The following ADGRL2 variants were observed in gnomAD, a reference collection of about 807,000 sequenced individuals.
The protein encoded by ADGRL2 is adhesion G protein-coupled receptor L2.
Under a neutral mutation model 157.4 loss-of-function variants are expected in ADGRL2, and 44 were observed. The ratio of observed to expected loss-of-function variants is 0.28; its 90% CI spans 0.22 to 0.36. The LOEUF (loss-of-function observed/expected upper bound fraction) is 0.36. Among genes scored for constraint, ADGRL2 ranks in the 10% least tolerant of loss-of-function variants. The pLI is 1.00. For missense variants in ADGRL2, 1,510 were observed against 1,768.9 expected (o/e 0.85, Z 2.63); for synonymous variants, 585 against 624.7 (o/e 0.94, Z 0.95).
At chr1:81,693,290 C>T (rs567034319) in intron 3 of ADGRL2, among the ~76,000 whole-genome samples, 7 of 152,298 alleles carry the variant, frequency 4.6e-5, no homozygotes, top group Admixed American at 1.3e-4. Flanking sequence ...AGTCCTAGTG[C>T]TCCACTTAAA....
At chr1:81,786,670 A>G (rs1571218520) in intron 2 of ADGRL2, among the ~76,000 whole-genome samples, 1 of 152,244 alleles carries the variant, frequency 6.6e-6, no homozygotes. Flanking sequence ...TTTGAAAAGT[A>G]TAATCTTAAG....
chr1:81,573,763 G>C (rs2080742615), intron 2 of ADGRL2, among the ~76,000 whole-genome samples: 1 of 152,118 alleles, frequency 6.6e-6, no homozygotes, highest in African/African-American at 2.4e-5. Context: ...TTTGACTTGT[G>C]CAGTATTTGC....
At chr1:81,677,645 C>T (rs1329772123) in intron 3 of ADGRL2, among the ~76,000 whole-genome samples, 1 of 152,132 alleles carries the variant, frequency 6.6e-6, no homozygotes, top group East Asian at 1.9e-4. Flanking sequence ...TTCTTCTTTT[C>T]ATCTTCCTTT....
upstream of ADGRL2, among the ~76,000 whole-genome samples, chr1:81,697,638 T>C (rs2083472961): frequency 6.6e-6 from 1 of 152,200 alleles, no homozygotes; most frequent in East Asian, 1.9e-4. Context: ...AACCAAGACA[T>C]TGGATAGCAA....
chr1:81,388,044 G>A (rs1374086839), intron 1 of ADGRL2, among the ~76,000 whole-genome samples: 3 of 152,074 alleles, frequency 2.0e-5, no homozygotes, highest in Non-Finnish European at 2.9e-5. Context: ...AAACGTGTGA[G>A]GTGGTATTTT....
intron 2 of ADGRL2, among the ~76,000 whole-genome samples, chr1:81,530,970 G>T (rs2079583776): frequency 6.6e-6 from 1 of 151,786 alleles, no homozygotes. Context: ...TGTAGTCCTA[G>T]CTACTTGGGA....
Position 81,829,160 on chromosome 1 carries a change from C to T in ADGRL2, c.-100-7725C>T, listed in dbSNP as rs541408843. 5.9e-5 allele frequency among the ~76,000 whole-genome samples: 9 copies of T among 152,242 alleles called. No homozygotes were observed. In the South Asian group the frequency reaches 1.9e-3, roughly 32 times the overall value. On this transcript the variant is annotated intron_variant, in intron 1 of 23. Transcript: ENST00000686636. ...CTCCTGACCTCAGGCAATCCACCTGCCTTGGCCTCCCAAAGTGCTGAGATT... is the reference window on the plus strand; with the variant it reads ...CTCCTGACCTCAGGCAATCCACCTGTCTTGGCCTCCCAAAGTGCTGAGATT...
intron 1 of ADGRL2, among the ~76,000 whole-genome samples, chr1:81,420,783 G>T (rs78429277): frequency 6.6e-6 from 1 of 152,080 alleles, no homozygotes; most frequent in East Asian, 1.9e-4. Flanking sequence ...CTAGGTCGTC[G>T]GTGGGAAGTT....
chr1:81,927,485 A>T (rs188877159), intron 3 of ADGRL2, among the ~76,000 whole-genome samples: 26 of 152,156 alleles, frequency 1.7e-4, no homozygotes, highest in Admixed American at 1.5e-3. Context: ...AATTGAATGT[A>T]ATAAAAATTA....
chr1:81,541,398 G>T (rs1433441545), intron 2 of ADGRL2, among the ~76,000 whole-genome samples: 3 of 152,034 alleles, frequency 2.0e-5, no homozygotes, highest in Non-Finnish European at 4.4e-5. Flanking sequence ...CTGGTGGTAG[G>T]ATTAAAAGAA....
intron 1 of ADGRL2, among the ~76,000 whole-genome samples, chr1:81,740,419 A>G (rs922266084): frequency 3.9e-5 from 6 of 152,152 alleles, no homozygotes; most frequent in African/African-American, 1.4e-4. Context: ...AGTTCCAAGT[A>G]ATGACCATTA....
intron 2 of ADGRL2, among the ~76,000 whole-genome samples, chr1:81,574,632 C>T (rs1316524394): frequency 1.3e-5 from 2 of 152,072 alleles, no homozygotes; most frequent in African/African-American, 4.8e-5. Context: ...AGTAGCAGAT[C>T]CAAAGAAGTA....
intron 3 of ADGRL2, among the ~76,000 whole-genome samples, chr1:81,679,081 ACAGGAAAGTAGGTGGAC>A (rs1422262158): frequency 6.6e-6 from 1 of 152,200 alleles, no homozygotes; most frequent in East Asian, 1.9e-4. Flanking sequence ...AGACAGATGC[ACAGGAAAGTAGGTGGAC>A]CTCGAAATTG....
In ADGRL2 at chr1:81,968,080, A is replaced by G. The variant is rs902638170; in HGVS notation, c.2404A>G (p.Met802Val). The G allele has an allele frequency of 8.1e-6, 13 of 1,613,908 alleles. No individual in the cohort carries two copies. Among genetic ancestry groups the G allele is most frequent in the East Asian group, 2.2e-5 (1 of 44,884 alleles). Residue 802 changes from methionine (M) to valine (V), a missense_variant, in exon 14 of 24, where the codon ATG becomes GTG. Coordinates refer to ENST00000686636, the MANE Select transcript of ADGRL2 (RefSeq NM_001366006.2). Reference protein sequence around the residue: ...CSFWNYSERTMMGYWSTQGCK... With the variant: ...CSFWNYSERTVMGYWSTQGCK... ...CTTCTGGAACTACTCAGAGAGAACT[A>G]TGATGGGATATTGGTCTACCCAGGG...
At chr1:81,617,660 T>C (rs1016165778) in intron 3 of ADGRL2, among the ~76,000 whole-genome samples, 2 of 152,264 alleles carry the variant, frequency 1.3e-5, no homozygotes, top group Non-Finnish European at 2.9e-5. Flanking sequence ...CAGAATCTTT[T>C]CCTTTTCGGG....
At chr1:81,323,917 G>A (rs569112387) in intron 1 of ADGRL2, among the ~76,000 whole-genome samples, 1 of 152,202 alleles carries the variant, frequency 6.6e-6, no homozygotes. Context: ...AGAATCAAGA[G>A]AGAATGTTGT....
chr1:81,799,191 G>A (rs920171200), upstream of ADGRL2, among the ~76,000 whole-genome samples: 1 of 152,148 alleles, frequency 6.6e-6, no homozygotes, highest in Non-Finnish European at 1.5e-5. Context: ...ACTTAGGTAC[G>A]TTATAAGGTT....
intron 1 of ADGRL2, among the ~76,000 whole-genome samples, chr1:81,370,191 C>T (rs937026586): frequency 1.3e-5 from 2 of 152,110 alleles, no homozygotes; most frequent in African/African-American, 4.8e-5. Flanking sequence ...CATTTAGGTG[C>T]TCTTCTAGAA....
chr1:81,827,519 C>T (rs2091592796), intron 1 of ADGRL2, among the ~76,000 whole-genome samples: 1 of 152,152 alleles, frequency 6.6e-6, no homozygotes, highest in Admixed American at 6.6e-5. Flanking sequence ...AATTTCTCCC[C>T]GAACACTCTA....
Sources: gnomAD v4.1 joint callset for allele counts (sites outside exome capture counted in the v4.1 genomes callset) on GRCh38, gnomAD v4.1.1 for gene constraint, MANE v1.5 for transcripts, NCBI Gene and HGNC (gene_info 2026-07-23, HGNC 2026-07-21) for gene names.